ADAM7: variants seen among roughly 807,000 people sequenced by gnomAD.
ADAM7 encodes disintegrin and metalloproteinase domain-containing protein 7.
A neutral mutation model predicts 102.9 loss-of-function variants in ADAM7; 97 were observed. The observed-to-expected ratio is 0.94, with a 90% CI of 0.80 to 1.12. The LOEUF (loss-of-function observed/expected upper bound fraction) is 1.12, where lower values mean the gene tolerates loss of function less well. ADAM7 is among the 50% of genes most tolerant of loss of function. The pLI, the probability that ADAM7 is intolerant of heterozygous loss-of-function variation, is 0.00. For missense variants in ADAM7, 991 were observed against 908.7 expected, an observed-to-expected ratio of 1.09 and a Z score of -1.16; for synonymous variants, 334 against 304.4, an observed-to-expected ratio of 1.10 and a Z score of -1.01.
intron 20 of ADAM7, among the ~76,000 whole-genome samples, chr8:24,507,033 C>A (rs1256829263): frequency 6.6e-6 from 1 of 152,104 alleles, no homozygotes. Context: ...TCAGATCACA[C>A]AAAAGGATTA....
chr8:24,468,299 A>G (rs1819495883), intron 6 of ADAM7, among the ~76,000 whole-genome samples: 1 of 151,966 alleles, frequency 6.6e-6, no homozygotes, highest in South Asian at 2.1e-4. Context: ...TGAAAAAAAA[A>G]AAACCTGAAT....
chr8:24,495,712 C>A (rs755603205), intron 16 of ADAM7, among the ~76,000 whole-genome samples: 32 of 152,140 alleles, frequency 2.1e-4, no homozygotes, highest in Non-Finnish European at 4.3e-4. Flanking sequence ...ATTTGTGGAA[C>A]TGTGAACTGA....
intron 10 of ADAM7, 44 bp downstream of exon 10, chr8:24,485,405 A>G (rs779172102): frequency 2.2e-5 from 34 of 1,557,248 alleles, no homozygotes; most frequent in Non-Finnish European, 3.0e-5. Context: ...GTTTGAATAA[A>G]ATTGTTGTAA....
intron 8 of ADAM7, among the ~76,000 whole-genome samples, chr8:24,481,063 AAAAC>A (rs111355286): frequency 0.26 from 39,327 of 149,854 alleles, 5,813 homozygotes; most frequent in East Asian, 0.39. Flanking sequence ...CCCTGTCTCA[AAAAC>A]AAACAAACAA....
rs201599921 is a variant in ADAM7 at position 24,500,254 on chromosome 8, C to A, written c.2000C>A (p.Thr667Asn). 1 of 1,604,812 alleles carries A rather than the reference C, an allele frequency of 6.2e-7. No homozygotes were observed. Among genetic ancestry groups the A allele is most frequent in the East Asian group, 2.2e-5 (1 of 44,634 alleles). ...GCCTGTGAAGAAACCTTACATGTTA[C>A]CAGTGAGCATCCTAAAACAAAATCT... ...PVACEETLHV[T>N]NITILVVVLV... The change falls in exon 18 of 22, where the codon ACC becomes AAC. Residue 667 changes from threonine to asparagine, a missense_variant and splice_region_variant. Transcript: ENST00000175238.
At chr8:24,470,284 T>A (rs961549238) in intron 7 of ADAM7, among the ~76,000 whole-genome samples, 1 of 152,094 alleles carries the variant, frequency 6.6e-6, no homozygotes, top group Non-Finnish European at 1.5e-5. Flanking sequence ...GCAAGGATAA[T>A]ATATTCGGAG....
intron 20 of ADAM7, among the ~76,000 whole-genome samples, chr8:24,505,378 T>A (rs1364482165): frequency 6.6e-6 from 1 of 152,204 alleles, no homozygotes; most frequent in Non-Finnish European, 1.5e-5. Context: ...ATCTGTTGAA[T>A]ATGTGAATAA....
chr8:24,467,167 TAG>T, intron 6 of ADAM7, 179 bp downstream of exon 6: 3 of 621,748 alleles, frequency 4.8e-6, no homozygotes, highest in South Asian at 2.1e-5. Context: ...GTTTATTTCA[TAG>T]AGTTTGTTTA....
At chr8:24,486,187 T>C (rs900208649) in intron 10 of ADAM7, among the ~76,000 whole-genome samples, 4 of 152,202 alleles carry the variant, frequency 2.6e-5, no homozygotes, top group Non-Finnish European at 5.9e-5. Flanking sequence ...TTTTAAACTT[T>C]ATATGAGTAA....
chr8:24,452,338 A>G lies in ADAM7; in HGVS notation c.233+5076A>G, dbSNP rs571184060. On this transcript the variant is annotated intron_variant, in intron 3 of 21. Coordinates refer to ENST00000175238, the MANE Select transcript of ADAM7 (RefSeq NM_003817.4). The stretch of plus-strand genomic sequence containing the variant: ...GCTTTACGAATCTGGGTGCTCCTGT[A>G]TTGGGTGCATATATATTTAGGATAG... Among the ~76,000 whole-genome samples, 1,108 of 149,148 alleles carry G rather than the reference A, an allele frequency of 7.4e-3. 10 individuals are homozygous for G. The highest frequency in any genetic ancestry group is 0.026 in the African/African-American group (1,060 of 40,700).
At chr8:24,453,833 T>C (rs1364666786) in intron 3 of ADAM7, among the ~76,000 whole-genome samples, 1 of 152,232 alleles carries the variant, frequency 6.6e-6, no homozygotes. Context: ...GTTTTTGGTG[T>C]GGATGTCCTT....
intron 3 of ADAM7, among the ~76,000 whole-genome samples, chr8:24,463,087 G>C (rs1039627603): frequency 1.3e-5 from 2 of 152,050 alleles, no homozygotes; most frequent in African/African-American, 4.8e-5. Flanking sequence ...TACAGAAAAA[G>C]TTTGCTACAT....
chr8:24,493,351 A>AT (rs1422187512), intron 16 of ADAM7, 122 bp downstream of exon 16: 11 of 863,532 alleles, frequency 1.3e-5, no homozygotes, highest in Non-Finnish European at 1.8e-5. Flanking sequence ...ATTGACAAGT[A>AT]TTTTTTTAAT....
At chr8:24,462,408 T>C (rs1276806332) in intron 3 of ADAM7, among the ~76,000 whole-genome samples, 2 of 152,150 alleles carry the variant, frequency 1.3e-5, no homozygotes, top group Admixed American at 6.5e-5. Context: ...ACAACTGTGG[T>C]TTTCTAGCAG....
chr8:24,459,648 T>C (rs1819169313), intron 3 of ADAM7, among the ~76,000 whole-genome samples: 1 of 151,984 alleles, frequency 6.6e-6, no homozygotes, highest in African/African-American at 2.4e-5. Context: ...TTTGTAAAGA[T>C]GGGTTTTCGC....
intron 21 of ADAM7, among the ~76,000 whole-genome samples, chr8:24,508,041 G>T (rs1469315035): frequency 3.9e-5 from 6 of 152,140 alleles, no homozygotes; most frequent in Non-Finnish European, 8.8e-5. Flanking sequence ...TGTGATTTAT[G>T]TCAAAGGGAA....
At chr8:24,455,929 T>C (rs1043312759) in intron 3 of ADAM7, among the ~76,000 whole-genome samples, 7 of 152,214 alleles carry the variant, frequency 4.6e-5, no homozygotes, top group African/African-American at 1.7e-4. Context: ...TAAATCAAGC[T>C]AATTAACATA....
In ADAM7 at chr8:24,507,631, T is replaced by C. The variant is rs113734565; in HGVS notation, c.2264+96T>C. On this transcript the variant is annotated intron_variant, in intron 21 of 21. Coordinates refer to ENST00000175238, the MANE Select transcript of ADAM7 (RefSeq NM_003817.4). Reference sequence around the variant, plus strand: ...CCAACTCATTGATTTACTGGGGACATCCTCTGTACTTATCACAACAGATTA... The same window carrying C: ...CCAACTCATTGATTTACTGGGGACACCCTCTGTACTTATCACAACAGATTA... The C allele has an allele frequency of 2.5e-5, 25 of 988,840 alleles. 1 individual carries two copies. The African/African-American group carries it at 3.3e-4, about 13-fold the overall frequency. 61.3% of individuals were successfully genotyped at this position (988,840 alleles called of 1,614,324 possible).
chr8:24,482,473 A>C (rs559456394), intron 9 of ADAM7, among the ~76,000 whole-genome samples, 162 bp downstream of exon 9: 2 of 152,300 alleles, frequency 1.3e-5, no homozygotes, highest in South Asian at 4.1e-4. Flanking sequence ...CCAAGCAAGG[A>C]ACCGTAGCAT....
Sources: allele counts gnomAD v4.1 joint callset (sites outside exome capture counted in the v4.1 genomes callset), GRCh38; gene constraint gnomAD v4.1.1; transcripts MANE v1.5; gene names NCBI Gene and HGNC (gene_info 2026-07-23, HGNC 2026-07-21).